SLC17A7: variants seen among roughly 807,000 people sequenced by gnomAD.
SLC17A7 encodes vesicular glutamate transporter 1.
Under a neutral mutation model 59.1 loss-of-function variants are expected in SLC17A7, and 15 were observed. The ratio of observed to expected loss-of-function variants is 0.25; its 90% CI spans 0.17 to 0.39. The LOEUF (loss-of-function observed/expected upper bound fraction) is 0.39. Ranked by LOEUF, SLC17A7 falls within the 10% of genes least tolerant of loss-of-function variation. SLC17A7 has a pLI of 1.00. For missense variants in SLC17A7, 499 were observed against 765.1 expected, an observed-to-expected ratio of 0.65 and a Z score of 4.10; for synonymous variants, 353 against 308.9, an observed-to-expected ratio of 1.14 and a Z score of -1.50.
In SLC17A7 at chr19:49,431,009, A is replaced by C. The variant is rs2078957238; in HGVS notation, c.1389+6T>G. ...AGGCAGACTGAGTCAGGACTGCGGC[A>C]CCCACCTTGTGCTTAGTCATGGCCC... On this transcript the variant is annotated splice_donor_region_variant and intron_variant, in intron 11 of 11. Transcript: ENST00000221485. This position sits in a 1 kb window ranked among gnomAD's most constrained non-coding sequence, Gnocchi z 4.6. 6.2e-7 allele frequency: 1 copy of C among 1,603,356 alleles called. No homozygotes were observed. The highest frequency in any genetic ancestry group is 1.3e-5 in the African/African-American group (1 of 74,850).
chr19:49,432,021 G>A (rs1030682639), intron 9 of SLC17A7, among the ~76,000 whole-genome samples: 1 of 152,108 alleles, frequency 6.6e-6, no homozygotes, highest in African/African-American at 2.4e-5. Context: ...GCTGCGGCGC[G>A]ATCATAGCTC....
At position 49,430,575 on chromosome 19, in the gene SLC17A7, C is replaced by A; in HGVS notation, c.1627G>T (p.Ala543Ser). ...GGGGGCTGAAATGTGCTGTGTGTGG[C>A]CCCATAGGAGGGCGGGGGTGCAGGG... ...APPAPPPSYG[A>S]THSTFQPPRP... The change falls in exon 12 of 12, where the codon GCC (alanine) becomes TCC (serine). Residue 543 changes from alanine to serine, a missense_variant. Around this residue, in one of 3 missense-constraint regions of SLC17A7, gnomAD observed 98 missense variants for 77.5 expected, o/e 1.27. Coordinates refer to ENST00000221485, the MANE Select transcript of SLC17A7 (RefSeq NM_020309.4). The A allele has an allele frequency of 6.2e-7, 1 of 1,610,206 alleles. No homozygotes were observed. The highest frequency in any genetic ancestry group is 8.5e-7 in the Non-Finnish European group (1 of 1,177,780).
At position 49,430,305 on chromosome 19, in the gene SLC17A7, A is replaced by C; in HGVS notation, c.*214T>G. ...GGGTGGAGAGGGAACCTTTAGGGGA[A>C]TTTGGGTATCCTTGAAACTGTCAGT... On this transcript the variant is annotated 3_prime_UTR_variant, in exon 12 of 12. Coordinates refer to ENST00000221485, the MANE Select transcript of SLC17A7 (RefSeq NM_020309.4). The C allele has an allele frequency of 6.3e-6, 3 of 473,470 alleles. No individual in the cohort carries two copies. Among genetic ancestry groups the C allele is most frequent in the Non-Finnish European group, 1.1e-5 (3 of 268,750 alleles). The allele number at this position is 473,470 out of a possible 1,614,324, so 29.3% of individuals were successfully genotyped here.
At position 49,430,018 on chromosome 19, in the gene SLC17A7, T is replaced by C. The variant is rs1380881074; in HGVS notation, c.*501A>G. On this transcript the variant is annotated 3_prime_UTR_variant, in exon 12 of 12. Transcript: ENST00000221485. ...CGCTGGTGAGAATCAATCCCTGGAA[T>C]GGCGGGGACGAGTAATTGGTTAAAC... 6.1e-6 allele frequency: 1 copy of C among 164,064 alleles called. No individual in the cohort carries two copies. Among genetic ancestry groups the C allele is most frequent in the African/African-American group, 2.4e-5 (1 of 41,988 alleles). The allele number at this position is 164,064 out of a possible 1,614,324, so 10.2% of individuals were successfully genotyped here.
At position 49,433,295 on chromosome 19, in the gene SLC17A7, A is replaced by C; in HGVS notation, c.868-335T>G. ...TTTGAGTAGAGACGGGGGTTTCGCC[A>C]TGTTGCCCAAGCTGGTCTGGAACTC... is the stretch of plus-strand genomic sequence containing the variant. On this transcript the variant is annotated intron_variant, in intron 7 of 11. Transcript: ENST00000221485. This position sits in a 1 kb window ranked among gnomAD's most constrained non-coding sequence, Gnocchi z 5.7. 2.5e-6 allele frequency: 1 copy of C among 392,566 alleles called. No individual in the cohort carries two copies. Among genetic ancestry groups the C allele is most frequent in the South Asian group, 2.7e-5 (1 of 37,206 alleles). The allele number at this position is 392,566 out of a possible 1,614,324, so 24.3% of individuals were successfully genotyped here.
rs2078958989 is a variant in SLC17A7 at position 49,431,442 on chromosome 19, C to T, written c.1157G>A (p.Gly386Asp). ...CACCAACAGCAGCGTGGCTTCCATG[C>T]CGAAGCCTACGGGGGCGGGGGGGGC... ...VRKLMNCGGF[G>D]MEATLLLVVG... Residue 386 changes from glycine to aspartate, a missense_variant, in exon 10 of 12, where the codon GGC (glycine) becomes GAC (aspartate). Around this residue, in one of 3 missense-constraint regions of SLC17A7, gnomAD observed 323 missense variants for 607.2 expected, o/e 0.53. Coordinates refer to ENST00000221485, the MANE Select transcript of SLC17A7 (RefSeq NM_020309.4). The surrounding 1 kb of genome is among the most constrained non-coding windows in gnomAD (Gnocchi z 4.6). 6.2e-7 allele frequency: 1 copy of T among 1,613,364 alleles called. No individual in the cohort carries two copies. Among genetic ancestry groups the T allele is most frequent in the African/African-American group, 1.3e-5 (1 of 74,928 alleles).
At chr19:49,432,696 GCTCGGCGT>G (rs1418074160) in intron 8 of SLC17A7, 45 bp from the exon 9 acceptor site, 1 of 1,604,924 alleles carries the variant, frequency 6.2e-7, no homozygotes, top group African/African-American at 1.3e-5. Context: ...GGGGCCGCCG[GCTCGGCGT>G]CTCTGCCCGG....
chr19:49,433,735 G>T lies in SLC17A7; in HGVS notation c.858C>A (p.Asn286Lys), dbSNP rs781055281. 5 of 1,614,026 alleles carry T rather than the reference G, an allele frequency of 3.1e-6. No individual in the cohort carries two copies. In the South Asian group the frequency reaches 3.3e-5, roughly 11 times the overall value. Reference protein sequence around the residue: ...DAIGESAKLMNPLTKFSTPWR... With the variant: ...DAIGESAKLMKPLTKFSTPWR... Reference sequence around the variant, plus strand: ...AGATTTGGTCCCGGACCGTGAGGGGGTTCATGAGTTTCGCGCTCTCTCCGA... The same window carrying T: ...AGATTTGGTCCCGGACCGTGAGGGGTTTCATGAGTTTCGCGCTCTCTCCGA... The change falls in exon 7 of 12, where the codon AAC (asparagine) becomes AAA (lysine). Residue 286 changes from asparagine to lysine, a missense_variant. By Grantham distance (94) the Asn-to-Lys change is moderately conservative. This residue lies in a region of SLC17A7 where 323 missense variants were observed against 607.2 expected (regional missense o/e 0.53). Transcript: ENST00000221485. This position sits in a 1 kb window ranked among gnomAD's most constrained non-coding sequence, Gnocchi z 5.7.
rs775293947 is a variant in SLC17A7, at chr19:49,436,544, G to A, written c.315+5C>T. ...GGCTCTGCAAGGGCTCAGGCCTTGA[G>A]CTACCTGCACCACCACGTGGCCCCC... On this transcript the variant is annotated splice_donor_5th_base_variant and intron_variant, in intron 2 of 11. Transcript: ENST00000221485. The surrounding 1 kb of genome is among the most constrained non-coding windows in gnomAD (Gnocchi z 4.1). 1 of 1,612,230 alleles carries A rather than the reference G, an allele frequency of 6.2e-7. No individual in the cohort carries two copies. Among genetic ancestry groups the A allele is most frequent in the Non-Finnish European group, 8.5e-7 (1 of 1,179,776 alleles).
Position 49,436,625 on chromosome 19 carries a change from C to T in SLC17A7, c.239G>A (p.Arg80His). 1 of 1,613,994 alleles carries T rather than the reference C, an allele frequency of 6.2e-7. No homozygotes were observed. Among genetic ancestry groups the T allele is most frequent in the Non-Finnish European group, 8.5e-7 (1 of 1,179,980 alleles). Residue 80 changes from arginine (R) to histidine (H), a missense_variant, in exon 2 of 12, where the codon CGC becomes CAC. Coordinates refer to ENST00000221485, the MANE Select transcript of SLC17A7 (RefSeq NM_020309.4). The surrounding 1 kb of genome is among the most constrained non-coding windows in gnomAD (Gnocchi z 4.1). ...GACGATGGCCACGCCCAGGTTGCAGCGGATGCCAAAGCTGATGCAGAAGCC... is the reference window on the plus strand; with the variant it reads ...GACGATGGCCACGCCCAGGTTGCAGTGGATGCCAAAGCTGATGCAGAAGCC... ...GLGFCISFGI[R>H]CNLGVAIVSM...
In SLC17A7 at chr19:49,430,625, T is replaced by A. The variant is rs1365457231; in HGVS notation, c.1577A>T (p.Asp526Val). 2 of 1,613,908 alleles carry A rather than the reference T, an allele frequency of 1.2e-6. No homozygotes were observed. Among genetic ancestry groups the A allele is most frequent in the Admixed American group, 3.3e-5 (2 of 60,002 alleles). The change falls in exon 12 of 12, where the codon GAT (aspartate) becomes GTT (valine). Residue 526 changes from aspartate (D) to valine (V), a missense_variant. Around this residue, in one of 3 missense-constraint regions of SLC17A7, gnomAD observed 98 missense variants for 77.5 expected, o/e 1.27. Coordinates refer to ENST00000221485, the MANE Select transcript of SLC17A7 (RefSeq NM_020309.4). The part of the protein sequence containing the change: ...LAGSDDSEME[D>V]EAEPPGAPPA... ...GGGTGCCCCCGGGGGCTCAGCCTCA[T>A]CCTCCATTTCGCTGTCGTCACTGCC...
chr19:49,440,341 G>A (rs188692790), intron 1 of SLC17A7, among the ~76,000 whole-genome samples: 4 of 152,308 alleles, frequency 2.6e-5, no homozygotes, highest in African/African-American at 7.2e-5. Flanking sequence ...CATCTCCTTC[G>A]TGCACTGTGG....
chr19:49,435,117 T>G (rs571906374), intron 3 of SLC17A7, 51 bp downstream of exon 3: 1 of 1,396,508 alleles, frequency 7.2e-7, no homozygotes, highest in South Asian at 1.2e-5. Flanking sequence ...GCCCTCTAAC[T>G]CCACCCACAC....
chr19:49,434,518 A>G, intron 5 of SLC17A7, 84 bp downstream of exon 5: 5 of 532,490 alleles, frequency 9.4e-6, no homozygotes, highest in South Asian at 2.1e-5. Context: ...CAGCCCCCCC[A>G]GCCCCTCCCC....
At chr19:49,440,077 G>A (rs916190119) in intron 1 of SLC17A7, among the ~76,000 whole-genome samples, 4 of 152,086 alleles carry the variant, frequency 2.6e-5, no homozygotes, top group Non-Finnish European at 4.4e-5. Flanking sequence ...ACCAACCTCC[G>A]TCACTGCACC....
In SLC17A7 at chr19:49,434,634, T is replaced by C; in HGVS notation, c.605A>G (p.Glu202Gly). 2 of 1,611,138 alleles carry C rather than the reference T, an allele frequency of 1.2e-6. No homozygotes were observed. The highest frequency in any genetic ancestry group is 8.5e-7 in the Non-Finnish European group (1 of 1,179,320). Residue 202 changes from glutamate (E) to glycine (G), a missense_variant, in exon 5 of 12, where the codon GAA becomes GGA. Physicochemically the swap from Glu to Gly is moderately conservative, Grantham distance 98 (BLOSUM62 -2). Around this residue, in one of 3 missense-constraint regions of SLC17A7, gnomAD observed 323 missense variants for 607.2 expected, o/e 0.53. Transcript: ENST00000221485. ...GIWSKWAPPL[E>G]RSRLATTAFC... ...GGCTGTCGTCGCCAGGCGACTCCGT[T>C]CTAAGGGTGGGGCCCATTTGCTCCA...
Position 49,436,930 on chromosome 19 carries a change from A to G in SLC17A7, c.63-129T>C. 2 of 1,338,042 alleles carry G rather than the reference A, an allele frequency of 1.5e-6. No individual in the cohort carries two copies. The highest frequency in any genetic ancestry group is 2.0e-6 in the Non-Finnish European group (2 of 1,012,584). The allele number at this position is 1,338,042 out of a possible 1,614,324, so 82.9% of individuals were successfully genotyped here. A position where few individuals can be genotyped will look rare whatever the true frequency, so the allele number is the denominator to read the frequency against. On this transcript the variant is annotated intron_variant, in intron 1 of 11. Coordinates refer to ENST00000221485, the MANE Select transcript of SLC17A7 (RefSeq NM_020309.4). This position sits in a 1 kb window ranked among gnomAD's most constrained non-coding sequence, Gnocchi z 4.1. ...CTAAGCCCGCACCTCCTCCTTCACC[A>G]AGAGTCCAGGTCCCTGGCTCCCTTC...
intron 1 of SLC17A7, among the ~76,000 whole-genome samples, chr19:49,440,076 C>T (rs1342823509): frequency 1.3e-5 from 2 of 152,198 alleles, no homozygotes; most frequent in African/African-American, 4.8e-5. Context: ...CACCAACCTC[C>T]GTCACTGCAC....
chr19:49,433,214 T>A lies in SLC17A7; in HGVS notation c.868-254A>T. The A allele has an allele frequency of 1.8e-6, 1 of 542,358 alleles. No homozygotes were observed. 33.6% of individuals were successfully genotyped at this position (542,358 alleles called of 1,614,324 possible). On this transcript the variant is annotated intron_variant, in intron 7 of 11. Coordinates refer to ENST00000221485, the MANE Select transcript of SLC17A7 (RefSeq NM_020309.4). The surrounding 1 kb of genome is among the most constrained non-coding windows in gnomAD (Gnocchi z 5.7). ...TCAGGTCCGCAGGTGTCCGGGCCCCTCAGGGACCTGTCTTTTTCTTTTTTT... is the reference window on the plus strand; with the variant it reads ...TCAGGTCCGCAGGTGTCCGGGCCCCACAGGGACCTGTCTTTTTCTTTTTTT...
Sources: allele counts gnomAD v4.1 joint callset (sites outside exome capture counted in the v4.1 genomes callset), GRCh38; gene constraint gnomAD v4.1.1; regional missense constraint gnomAD v4.1.1; non-coding constraint Gnocchi (gnomAD v3.1); transcripts MANE v1.5; gene names NCBI Gene and HGNC (gene_info 2026-07-23, HGNC 2026-07-21).